Variants in RANGAP1 observed in about 807,000 individuals in gnomAD.
RANGAP1 encodes Ran GTPase activating protein 1, also known as ran GTPase-activating protein 1.
RANGAP1 carries 38 observed loss-of-function variants against 63.5 expected under a neutral mutation model. The ratio of observed to expected loss-of-function variants is 0.60; its 90% CI spans 0.46 to 0.78. The LOEUF (loss-of-function observed/expected upper bound fraction) is 0.78, where lower values mean the gene tolerates loss of function less well. RANGAP1 is among the 30% of genes least tolerant of loss of function. RANGAP1 has a pLI of 0.00. For missense variants in RANGAP1, 630 were observed against 740.3 expected, an observed-to-expected ratio of 0.85 and a Z score of 1.73; for synonymous variants, 329 against 310.5, an observed-to-expected ratio of 1.06 and a Z score of -0.63.
At chr22:41,247,060 TTTC>T (rs1303913366) in intron 15 of RANGAP1, among the ~76,000 whole-genome samples, 1 of 152,194 alleles carries the variant, frequency 6.6e-6, no homozygotes, top group Non-Finnish European at 1.5e-5. Context: ...TCTTTTTCTT[TTTC>T]TTTTTTTTTT....
At chr22:41,264,957 C>A (rs899278211) in intron 4 of RANGAP1, 114 bp from the exon 5 acceptor site, 1 of 1,074,658 alleles carries the variant, frequency 9.3e-7, no homozygotes, top group African/African-American at 1.6e-5. Flanking sequence ...TGGTGCAGAA[C>A]CAACACAGAC....
In RANGAP1 at chr22:41,246,691, C is replaced by G; in HGVS notation, c.1695-19G>C. ...GTTGGGCCTGCGGGGAAAGAGGGGT[C>G]AGCAGGTCGGTGGATGCCTCTTGGC... is the stretch of plus-strand genomic sequence containing the variant. On this transcript the variant is annotated intron_variant, in intron 15 of 15. Transcript: ENST00000356244. 6.5e-7 allele frequency: 1 copy of G among 1,545,000 alleles called. No individual in the cohort carries two copies. Among genetic ancestry groups the G allele is most frequent in the Non-Finnish European group, 8.8e-7 (1 of 1,137,370 alleles).
At chr22:41,258,186 C>G in intron 6 of RANGAP1, 80 bp from the exon 7 acceptor site, 1 of 1,478,782 alleles carries the variant, frequency 6.8e-7, no homozygotes. Flanking sequence ...TTCCACACAG[C>G]AGGCACAGGA....
In RANGAP1 at chr22:41,249,561, A is replaced by C. The variant is rs532858487; in HGVS notation, c.1573-110T>G. On this transcript the variant is annotated intron_variant, in intron 14 of 15. Coordinates refer to ENST00000356244, the MANE Select transcript of RANGAP1 (RefSeq NM_002883.4). ...AGTGCCCACAACTGAGTCTAGCCGG[A>C]ATCTCATCGTGAAGACCAAGGCTGC... is the stretch of plus-strand genomic sequence containing the variant. 1.9e-5 allele frequency: 29 copies of C among 1,560,446 alleles called. No individual in the cohort carries two copies. In the African/African-American group the frequency reaches 3.8e-4, roughly 20 times the overall value.
chr22:41,264,295 CT>C (rs202134946), intron 5 of RANGAP1, among the ~76,000 whole-genome samples: 2 of 134,122 alleles, frequency 1.5e-5, no homozygotes, highest in African/African-American at 2.7e-5. Context: ...GGTGCCCCCC[CT>C]GAGCATATGC....
In RANGAP1 at chr22:41,280,995, T is replaced by A. The variant is rs770406784; in HGVS notation, c.50A>T (p.Gln17Leu). The A allele has an allele frequency of 6.2e-7, 1 of 1,613,236 alleles. No individual in the cohort carries two copies. The highest frequency in any genetic ancestry group is 1.1e-5 in the South Asian group (1 of 90,988). The change falls in exon 2 of 16, where the codon CAG (glutamine) becomes CTG (leucine). Residue 17 changes from glutamine to leucine, a missense_variant. Transcript: ENST00000356244. ...GAAACTCAGCTGTCCCCCGGCCACC[T>A]GAGTCTTGGCAAGTGTCTCTGCCAG... ...AKLAETLAKT[Q>L]VAGGQLSFKG...
intron 6 of RANGAP1, among the ~76,000 whole-genome samples, chr22:41,259,864 G>A (rs2034060569): frequency 6.6e-6 from 1 of 152,116 alleles, no homozygotes; most frequent in Admixed American, 6.5e-5. Flanking sequence ...TAACTGGGTG[G>A]GCATGGTGGT....
chr22:41,265,361 C>T (rs1216276844), intron 4 of RANGAP1, among the ~76,000 whole-genome samples: 2 of 152,138 alleles, frequency 1.3e-5, no homozygotes, highest in African/African-American at 4.8e-5. Context: ...ATTAATATCC[C>T]CAGACCTGAG....
chr22:41,264,653 G>T lies in RANGAP1; in HGVS notation c.480+11C>A, dbSNP rs780612603. 1.9e-6 allele frequency: 3 copies of T among 1,606,986 alleles called. No individual in the cohort carries two copies. The highest frequency in any genetic ancestry group is 2.7e-5 in the African/African-American group (2 of 74,842). On this transcript the variant is annotated intron_variant, in intron 5 of 15. Transcript: ENST00000356244. ...CAGGGGACTCTGCGGGGAGGGGGCT[G>T]CCACACCCACCTTGCCGCCGCCAAT...
the RANGAP1 span, among the ~76,000 whole-genome samples, chr22:41,298,248 G>A: frequency 3.3e-5 from 5 of 151,990 alleles, no homozygotes; most frequent in African/African-American, 9.7e-5. Flanking sequence ...TGACCCACCC[G>A]CCTTGGCCTC....
At chr22:41,247,966 A>G (rs1201155828) in intron 15 of RANGAP1, among the ~76,000 whole-genome samples, 1 of 152,200 alleles carries the variant, frequency 6.6e-6, no homozygotes, top group Non-Finnish European at 1.5e-5. Context: ...TCTGACCAAC[A>G]AGGGCAAGAG....
In RANGAP1 at chr22:41,276,232, C is replaced by G. The variant is rs758967524; in HGVS notation, c.113-1505G>C. 1.6e-4 allele frequency among the ~76,000 whole-genome samples: 24 copies of G among 152,352 alleles called. No homozygotes were observed. The South Asian group carries it at 1.7e-3, about 11-fold the overall frequency. Reference sequence around the variant, plus strand: ...AAACCAAATGCTATAGCAGTTCTCTCTAGCTGGTAGGATAATGGGTGATTG... The same window carrying G: ...AAACCAAATGCTATAGCAGTTCTCTGTAGCTGGTAGGATAATGGGTGATTG... On this transcript the variant is annotated intron_variant, in intron 2 of 15. Transcript: ENST00000356244.
At chr22:41,293,777 A>AAAAAG in the RANGAP1 span, among the ~76,000 whole-genome samples, 1 of 84,468 alleles carries the variant, frequency 1.2e-5, no homozygotes. Context: ...AAAAAAAAAA[A>AAAAAG]AAAAGAAAAG....
chr22:41,272,596 C>A (rs2034903968), intron 3 of RANGAP1, among the ~76,000 whole-genome samples: 2 of 152,114 alleles, frequency 1.3e-5, no homozygotes, highest in Admixed American at 1.3e-4. Flanking sequence ...TCTTGGCTCA[C>A]TGCAACCTCT....
the RANGAP1 span, chr22:41,301,518 C>T: frequency 2.3e-4 from 35 of 152,266 alleles, no homozygotes; most frequent in African/African-American, 7.7e-4. Context: ...GGAGGAAGAG[C>T]TGCAGGGAGA....
intron 2 of RANGAP1, among the ~76,000 whole-genome samples, chr22:41,276,464 CCT>C (rs1245702314): frequency 2.0e-5 from 3 of 151,088 alleles, no homozygotes; most frequent in Admixed American, 1.3e-4. Flanking sequence ...ATGATGAAAC[CCT>C]GTCTCTAACT....
intron 15 of RANGAP1, among the ~76,000 whole-genome samples, chr22:41,247,442 C>T (rs1470350306): frequency 1.3e-5 from 2 of 152,110 alleles, no homozygotes; most frequent in African/African-American, 4.8e-5. Context: ...TCCTCGACTT[C>T]CCAGGCTCAG....
intron 12 of RANGAP1, 144 bp downstream of exon 12, chr22:41,252,724 TGCGC>T (rs2033548359): frequency 3.2e-6 from 3 of 928,048 alleles, no homozygotes; most frequent in Non-Finnish European, 4.4e-6. Flanking sequence ...CCTGGACATT[TGCGC>T]GTGTTGTAAC....
In RANGAP1 at chr22:41,256,198, G is replaced by A; in HGVS notation, c.981C>T (p.Asp327=). ...MADKAELEKL[D]LNGNTLGEEG... ...CCTCCCCCATCCGACTACCATTCAG[G>A]TCCAGCTTCTCCAGCTCAGCTTTGT... The change falls in exon 9 of 16, where the codon GAC becomes GAT. Residue 327 remains aspartate, a synonymous_variant. Coordinates refer to ENST00000356244, the MANE Select transcript of RANGAP1 (RefSeq NM_002883.4). 1.9e-6 allele frequency: 3 copies of A among 1,614,118 alleles called. No homozygotes were observed. Among genetic ancestry groups the A allele is most frequent in the Non-Finnish European group, 2.5e-6 (3 of 1,180,002 alleles).
Sources: allele counts gnomAD v4.1 joint callset (sites outside exome capture counted in the v4.1 genomes callset), GRCh38; gene constraint gnomAD v4.1.1; transcripts MANE v1.5; gene names NCBI Gene and HGNC (gene_info 2026-07-23, HGNC 2026-07-21).